ABLIM2: variants seen among roughly 807,000 people sequenced by gnomAD.
ABLIM2 encodes the protein actin binding LIM protein family member 2.
Under a neutral mutation model 97.7 loss-of-function variants are expected in ABLIM2, and 53 were observed. That is an observed-to-expected ratio of 0.54 (90% CI 0.44 to 0.68). The LOEUF is 0.68. Among genes scored for constraint, ABLIM2 ranks in the 30% least tolerant of loss-of-function variants. ABLIM2 has a pLI of 0.00. For synonymous variants in ABLIM2, 361 were observed against 345.8 expected (o/e 1.04, Z -0.49); for missense variants, 835 against 867.2 (o/e 0.96, Z 0.47).
rs780895049 is a variant in ABLIM2, at chr4:8,083,552, G to A, written c.455-2750C>T. ...GGGATGTGAACCTCACACCTGCCTC[G>A]GCCCCCTCATTCTCCTATCAGCAGT... On this transcript the variant is annotated intron_variant, in intron 4 of 20. Coordinates refer to ENST00000447017, the MANE Select transcript of ABLIM2 (RefSeq NM_001130083.2). The surrounding 1 kb of genome is among the most constrained non-coding windows in gnomAD (Gnocchi z 4.6). Among the ~76,000 whole-genome samples the A allele has an allele frequency of 7.9e-5, 12 of 152,172 alleles. No individual in the cohort carries two copies. Among genetic ancestry groups the A allele is most frequent in the Non-Finnish European group, 1.5e-4 (10 of 68,024 alleles).
chr4:8,038,818 C>A (rs961116742), intron 9 of ABLIM2, among the ~76,000 whole-genome samples: 6 of 152,168 alleles, frequency 3.9e-5, no homozygotes, highest in African/African-American at 1.4e-4. Flanking sequence ...AGCAGCTCCC[C>A]TCTGCCTTCT....
At chr4:8,153,069 G>A (rs936834788) in intron 1 of ABLIM2, among the ~76,000 whole-genome samples, 3 of 152,158 alleles carry the variant, frequency 2.0e-5, no homozygotes, top group Non-Finnish European at 2.9e-5. Context: ...ATGGCATCAG[G>A]CCAGCAGCCT....
At chr4:8,156,010 G>C (rs1715193248) in intron 1 of ABLIM2, among the ~76,000 whole-genome samples, 1 of 152,162 alleles carries the variant, frequency 6.6e-6, no homozygotes, top group South Asian at 2.1e-4. Context: ...AAGCCACCTG[G>C]TCTTTAGTAC....
chr4:8,117,247 C>G (rs1568193), intron 1 of ABLIM2, among the ~76,000 whole-genome samples: 108,214 of 152,102 alleles, frequency 0.71, 39,060 homozygotes, highest in South Asian at 0.89. Context: ...AAAGCCACAC[C>G]GTGAGGAGTG....
chr4:8,039,319 G>C (rs1240717769), intron 9 of ABLIM2, among the ~76,000 whole-genome samples: 1 of 152,182 alleles, frequency 6.6e-6, no homozygotes, highest in East Asian at 1.9e-4. Context: ...CCACAGCATA[G>C]GGGGCCGCCT....
Position 8,025,331 on chromosome 4 carries a change from G to T in ABLIM2, c.1267+2428C>A, listed in dbSNP as rs188532555. On this transcript the variant is annotated intron_variant, in intron 12 of 20. Coordinates refer to ENST00000447017, the MANE Select transcript of ABLIM2 (RefSeq NM_001130083.2). ...AAAAACCTGGCCCCACCCAGGGGAG[G>T]TCTCAAAGGGAAGGTGCCTCCTGGC... Among the ~76,000 whole-genome samples, 208 of 152,342 alleles carry T rather than the reference G, an allele frequency of 1.4e-3. 2 individuals carry two copies. Among genetic ancestry groups the T allele is most frequent in the African/African-American group, 4.7e-3 (196 of 41,580 alleles).
At chr4:8,139,644 C>G (rs539516145) in intron 1 of ABLIM2, among the ~76,000 whole-genome samples, 1 of 152,290 alleles carries the variant, frequency 6.6e-6, no homozygotes, top group African/African-American at 2.4e-5. Context: ...TGCTTTTACT[C>G]TGTTGGTGGG....
In ABLIM2 at chr4:8,005,566, G is replaced by A. The variant is rs753193966; in HGVS notation, c.1618+2493C>T. Among the ~76,000 whole-genome samples the A allele has an allele frequency of 7.2e-5, 11 of 152,122 alleles. No individual in the cohort carries two copies. The highest frequency in any genetic ancestry group is 1.5e-4 in the Non-Finnish European group (10 of 68,022). On this transcript the variant is annotated intron_variant, in intron 16 of 20. Coordinates refer to ENST00000447017, the MANE Select transcript of ABLIM2 (RefSeq NM_001130083.2). The surrounding 1 kb of genome is among the most constrained non-coding windows in gnomAD (Gnocchi z 4.9). Reference sequence around the variant, plus strand: ...AAAAGAACCCCGAGAGAAAAAAAAGGGTGGCTCCCTCTCAATCTCCATGTG... The same window carrying A: ...AAAAGAACCCCGAGAGAAAAAAAAGAGTGGCTCCCTCTCAATCTCCATGTG...
At chr4:8,034,334 C>T (rs564588511) in intron 10 of ABLIM2, among the ~76,000 whole-genome samples, 85 of 143,702 alleles carry the variant, frequency 5.9e-4, no homozygotes, top group African/African-American at 1.9e-3. Context: ...GGTGGATGCA[C>T]ATGGGTGCAG....
intron 10 of ABLIM2, among the ~76,000 whole-genome samples, chr4:8,031,336 GACCCTGC>G (rs147088176): frequency 0.12 from 18,203 of 152,236 alleles, 1,202 homozygotes; most frequent in Middle Eastern, 0.2. Flanking sequence ...GTGTCAGGCA[GACCCTGC>G]ACCTCATCTG....
chr4:8,153,671 C>T (rs573398802), intron 1 of ABLIM2, among the ~76,000 whole-genome samples: 2 of 152,268 alleles, frequency 1.3e-5, no homozygotes, highest in East Asian at 1.9e-4. Flanking sequence ...ACGGAATCGC[C>T]GGGCTTCTCC....
At position 8,004,131 on chromosome 4, in the gene ABLIM2, G is replaced by C. The variant is rs2150292105; in HGVS notation, c.1618+3928C>G. On this transcript the variant is annotated intron_variant, in intron 16 of 20. Transcript: ENST00000447017. This position sits in a 1 kb window ranked among gnomAD's most constrained non-coding sequence, Gnocchi z 5.9. Reference sequence around the variant, plus strand: ...CCACCACCTTCCCTTCCACAGAAAAGCTGCAGCAGGGTCGCTGTCTCCTAA... The same window carrying C: ...CCACCACCTTCCCTTCCACAGAAAACCTGCAGCAGGGTCGCTGTCTCCTAA... Among the ~76,000 whole-genome samples the C allele has an allele frequency of 6.6e-6, 1 of 152,136 alleles. No homozygotes were observed. The highest frequency in any genetic ancestry group is 1.9e-4 in the East Asian group (1 of 5,136).
chr4:7,982,178 C>T (rs986053791), intron 20 of ABLIM2, among the ~76,000 whole-genome samples: 3 of 150,800 alleles, frequency 2.0e-5, no homozygotes, highest in South Asian at 2.2e-4. Flanking sequence ...CGCCCCTCAG[C>T]GGCATCCACG....
chr4:8,076,056 T>C (rs1250404390), intron 6 of ABLIM2, among the ~76,000 whole-genome samples: 1 of 152,176 alleles, frequency 6.6e-6, no homozygotes, highest in Non-Finnish European at 1.5e-5. Context: ...AGGACATCCC[T>C]CTCAGAGCCA....
intron 1 of ABLIM2, among the ~76,000 whole-genome samples, chr4:8,145,662 T>C (rs768644307): frequency 6.6e-5 from 10 of 151,800 alleles, no homozygotes; most frequent in Non-Finnish European, 1.5e-4. Context: ...TAATTTCTCA[T>C]TGGCAACCAT....
intron 8 of ABLIM2, among the ~76,000 whole-genome samples, chr4:8,053,389 G>A (rs778435658): frequency 1.3e-5 from 2 of 152,182 alleles, no homozygotes; most frequent in Non-Finnish European, 2.9e-5. Flanking sequence ...ACTGTGCTCT[G>A]ACCACCTTGC....
Position 8,125,438 on chromosome 4 carries a change from T to C in ABLIM2, c.11-18801A>G, listed in dbSNP as rs1009860673. Among the ~76,000 whole-genome samples, 3 of 152,252 alleles carry C rather than the reference T, an allele frequency of 2.0e-5. No individual in the cohort carries two copies. Among genetic ancestry groups the C allele is most frequent in the Admixed American group, 6.5e-5 (1 of 15,288 alleles). On this transcript the variant is annotated intron_variant, in intron 1 of 20. Coordinates refer to ENST00000447017, the MANE Select transcript of ABLIM2 (RefSeq NM_001130083.2). This position sits in a 1 kb window ranked among gnomAD's most constrained non-coding sequence, Gnocchi z 6.2. ...TAATTGTGGATACCCTTGCTTCGCA[T>C]GTGAATCGCGATCTGCAGTGCTGAT...
chr4:8,041,030 C>T (rs1269147391), intron 9 of ABLIM2, among the ~76,000 whole-genome samples: 9 of 152,180 alleles, frequency 5.9e-5, no homozygotes, highest in South Asian at 2.1e-4. Context: ...AACTAAGAGC[C>T]GGGAGACTGG....
chr4:8,097,364 A>C, intron 2 of ABLIM2, 82 bp from the exon 3 acceptor site: 1 of 1,459,142 alleles, frequency 6.9e-7, no homozygotes, highest in Non-Finnish European at 9.3e-7. Flanking sequence ...ACCCCCCTCC[A>C]CACACACACC....
Sources: gnomAD v4.1 joint callset for allele counts (sites outside exome capture counted in the v4.1 genomes callset) on GRCh38, gnomAD v4.1.1 for gene constraint, Gnocchi (gnomAD v3.1) non-coding constraint, MANE v1.5 for transcripts, NCBI Gene and HGNC (gene_info 2026-07-23, HGNC 2026-07-21) for gene names.